SPAG16: variants seen among roughly 807,000 people sequenced by gnomAD.
SPAG16 encodes sperm-associated antigen 16 protein.
A neutral mutation model predicts 80.4 loss-of-function variants in SPAG16; 86 were observed. The observed-to-expected ratio is 1.07, with a 90% confidence interval of 0.90 to 1.28. The LOEUF is 1.28. Ranked by LOEUF, SPAG16 falls within the 50% of genes most tolerant of loss-of-function variation. The pLI, the probability that SPAG16 is intolerant of heterozygous loss-of-function variation, is 0.00. For synonymous variants in SPAG16, 294 were observed against 265.9 expected (o/e 1.11, Z -1.03); for missense variants, 870 against 765.3 (o/e 1.14, Z -1.61).
intron 12 of SPAG16, among the ~76,000 whole-genome samples, chr2:213,938,649 A>G (rs1401104018): frequency 6.6e-6 from 1 of 151,956 alleles, no homozygotes; most frequent in Non-Finnish European, 1.5e-5. Flanking sequence ...TATTAAAATA[A>G]TTTTAATTTA....
At chr2:214,365,819 C>T (rs1383051871) in intron 15 of SPAG16, among the ~76,000 whole-genome samples, 1 of 152,114 alleles carries the variant, frequency 6.6e-6, no homozygotes, top group African/African-American at 2.4e-5. Context: ...TTTCTTTCTA[C>T]AAGTGACAGT....
chr2:213,601,280 C>A (rs1574451971), intron 10 of SPAG16, among the ~76,000 whole-genome samples: 2 of 152,142 alleles, frequency 1.3e-5, no homozygotes, highest in East Asian at 3.9e-4. Context: ...AAGGGAATTT[C>A]AGAGACCAAC....
intron 11 of SPAG16, among the ~76,000 whole-genome samples, chr2:213,919,904 A>G (rs1427398186): frequency 6.6e-6 from 1 of 152,064 alleles, no homozygotes; most frequent in Admixed American, 6.5e-5. Context: ...AGTCTCCACT[A>G]TTATTTTGTA....
chr2:213,666,953 A>C (rs999663534), intron 10 of SPAG16, among the ~76,000 whole-genome samples: 1 of 152,218 alleles, frequency 6.6e-6, no homozygotes, highest in Non-Finnish European at 1.5e-5. Flanking sequence ...AGCACCATAA[A>C]CCAGTTGTAG....
intron 15 of SPAG16, among the ~76,000 whole-genome samples, chr2:214,327,712 A>C (rs868283543): frequency 2.7e-5 from 4 of 147,640 alleles, no homozygotes; most frequent in South Asian, 4.3e-4. Context: ...TTTTTTTTGC[A>C]TCCTCTCTTG....
intron 15 of SPAG16, among the ~76,000 whole-genome samples, chr2:214,152,809 G>C: frequency 6.6e-6 from 1 of 152,082 alleles, no homozygotes; most frequent in Non-Finnish European, 1.5e-5. Context: ...GCCCTTCCCT[G>C]CCTGGCAGCC....
intron 10 of SPAG16, among the ~76,000 whole-genome samples, chr2:213,761,701 C>T (rs901035649): frequency 6.6e-6 from 1 of 151,476 alleles, no homozygotes; most frequent in African/African-American, 2.4e-5. Context: ...TGTACTAAAA[C>T]TACAAAAACA....
At chr2:213,469,107 A>G (rs190315091) in intron 9 of SPAG16, among the ~76,000 whole-genome samples, 69 of 152,276 alleles carry the variant, frequency 4.5e-4, no homozygotes, top group African/African-American at 1.5e-3. Flanking sequence ...AATACTTTGC[A>G]TCCCTCAATC....
intron 12 of SPAG16, among the ~76,000 whole-genome samples, chr2:213,995,139 G>T (rs921608798): frequency 6.6e-6 from 1 of 152,180 alleles, no homozygotes; most frequent in African/African-American, 2.4e-5. Flanking sequence ...AAATTAACTA[G>T]TTGCTCACCA....
chr2:213,286,436 A>G (rs1442426935), intron 1 of SPAG16, among the ~76,000 whole-genome samples: 1 of 152,186 alleles, frequency 6.6e-6, no homozygotes, highest in African/African-American at 2.4e-5. Flanking sequence ...GTGAATACCA[A>G]TTATTCCTGT....
intron 10 of SPAG16, among the ~76,000 whole-genome samples, chr2:213,674,309 G>A (rs1002783359): frequency 6.7e-6 from 1 of 150,254 alleles, no homozygotes; most frequent in Non-Finnish European, 1.5e-5. Context: ...AATAAGATGT[G>A]ATTTTTTTTC....
At chr2:213,888,720 G>T (rs1165277682) in intron 11 of SPAG16, among the ~76,000 whole-genome samples, 1 of 151,818 alleles carries the variant, frequency 6.6e-6, no homozygotes, top group African/African-American at 2.4e-5. Context: ...TATTGCCATT[G>T]TATGTCAGGT....
At chr2:214,136,249 A>G (rs760028253) in intron 14 of SPAG16, among the ~76,000 whole-genome samples, 1 of 152,156 alleles carries the variant, frequency 6.6e-6, no homozygotes, top group Non-Finnish European at 1.5e-5. Flanking sequence ...TCATATTTCA[A>G]CATGAGACTT....
At chr2:213,356,307 G>C (rs2065647229) in intron 7 of SPAG16, among the ~76,000 whole-genome samples, 2 of 152,178 alleles carry the variant, frequency 1.3e-5, no homozygotes, top group African/African-American at 4.8e-5. Flanking sequence ...GATTGGAATA[G>C]TTTCAGAAGG....
chr2:213,551,785 C>T (rs372224731), intron 10 of SPAG16, among the ~76,000 whole-genome samples: 122 of 152,292 alleles, frequency 8.0e-4, no homozygotes, highest in African/African-American at 2.8e-3. Flanking sequence ...GTCCCCACTC[C>T]ACTTCTATAT....
intron 10 of SPAG16, among the ~76,000 whole-genome samples, chr2:213,504,954 A>T (rs761815876): frequency 4.6e-5 from 7 of 152,218 alleles, no homozygotes; most frequent in Admixed American, 2.0e-4. Context: ...TTTCCAAGGC[A>T]ATGTGCTCTG....
At chr2:214,227,242 T>C (rs2058716774) in intron 15 of SPAG16, among the ~76,000 whole-genome samples, 1 of 152,042 alleles carries the variant, frequency 6.6e-6, no homozygotes, top group African/African-American at 2.4e-5. Flanking sequence ...ATCTTCTTAT[T>C]CTGACTATAA....
intron 11 of SPAG16, among the ~76,000 whole-genome samples, chr2:213,911,891 A>G (rs1199112972): frequency 1.3e-5 from 2 of 151,718 alleles, no homozygotes; most frequent in Non-Finnish European, 2.9e-5. Context: ...AAGAAGTTTT[A>G]AAAATGATTA....
At chr2:213,979,407 G>A (rs116161000) in intron 12 of SPAG16, among the ~76,000 whole-genome samples, 3,753 of 152,006 alleles carry the variant, frequency 0.025, 150 homozygotes, top group African/African-American at 0.086. Context: ...AGAACTGCCC[G>A]TGACTGGGTA....
Sources: allele counts gnomAD v4.1 joint callset (sites outside exome capture counted in the v4.1 genomes callset), GRCh38; gene constraint gnomAD v4.1.1; transcripts MANE v1.5; gene names NCBI Gene and HGNC (gene_info 2026-07-23, HGNC 2026-07-21).